PRKG1: variants seen among roughly 807,000 people sequenced by gnomAD.
PRKG1 encodes the protein cGMP-dependent protein kinase 1.
PRKG1 carries 35 observed loss-of-function variants against 88.1 expected under a neutral mutation model. The ratio of observed to expected loss-of-function variants is 0.40; its 90% CI spans 0.30 to 0.53. The LOEUF is 0.53. Ranked by LOEUF, PRKG1 falls within the 20% of genes least tolerant of loss-of-function variation. The pLI is 0.59. For synonymous variants in PRKG1, 303 were observed against 292.5 expected (o/e 1.04, Z -0.37); for missense variants, 540 against 839.8 (o/e 0.64, Z 4.41).
At position 51,848,344 on chromosome 10, in the gene PRKG1, C is replaced by G. The variant is rs572891795; in HGVS notation, c.698+43654C>G. Among the ~76,000 whole-genome samples, 102 of 152,208 alleles carry G rather than the reference C, an allele frequency of 6.7e-4. 1 individual carries two copies. The highest frequency in any genetic ancestry group is 2.4e-3 in the African/African-American group (99 of 41,548). On this transcript the variant is annotated intron_variant, in intron 4 of 17. Coordinates refer to ENST00000373980, the MANE Select transcript of PRKG1 (RefSeq NM_006258.4). ...ATAACTAGTGAAATAAAAACAAACT[C>G]CACCTCCAAACCTTAGTTTCAAAAG...
At chr10:51,860,525 G>A (rs1312800162) in intron 4 of PRKG1, among the ~76,000 whole-genome samples, 1 of 152,162 alleles carries the variant, frequency 6.6e-6, no homozygotes, top group Non-Finnish European at 1.5e-5. Context: ...GGGTGGGGGA[G>A]TACTGTGCTC....
At chr10:52,013,396 G>T (rs553575888) in intron 5 of PRKG1, among the ~76,000 whole-genome samples, 25 of 149,858 alleles carry the variant, frequency 1.7e-4, no homozygotes, top group Middle Eastern at 3.5e-3. Flanking sequence ...TCCAGCCTGG[G>T]TGACAGAGCG....
chr10:51,164,716 G>A (rs1589212486), intron 2 of PRKG1, among the ~76,000 whole-genome samples: 1 of 152,160 alleles, frequency 6.6e-6, no homozygotes, highest in Admixed American at 6.5e-5. Flanking sequence ...AGCTGATGGA[G>A]CTGAAAGCCA....
chr10:51,714,350 A>T (rs1841836190), intron 3 of PRKG1, among the ~76,000 whole-genome samples: 1 of 152,164 alleles, frequency 6.6e-6, no homozygotes, highest in Non-Finnish European at 1.5e-5. Flanking sequence ...GTAGAGAGGG[A>T]AAGAGTGTCT....
At position 51,215,464 on chromosome 10, in the gene PRKG1, G is replaced by A. The variant is rs536132914; in HGVS notation, c.478+62134G>A. Among the ~76,000 whole-genome samples the A allele has an allele frequency of 3.3e-5, 5 of 152,246 alleles. No individual in the cohort carries two copies. In the East Asian group the frequency reaches 9.6e-4, roughly 29 times the overall value. ...CTTAGGAGGAGTGAGAACAGGTGTT[G>A]AAATTTAAATGGTAAGAACCTTAAG... is the stretch of plus-strand genomic sequence containing the variant. On this transcript the variant is annotated intron_variant, in intron 2 of 17. Coordinates refer to ENST00000373980, the MANE Select transcript of PRKG1 (RefSeq NM_006258.4).
At chr10:52,278,117 G>GA (rs139686209) in intron 12 of PRKG1, among the ~76,000 whole-genome samples, 20,461 of 151,544 alleles carry the variant, frequency 0.14, 1,976 homozygotes, top group African/African-American at 0.25. Context: ...AAATTTACAA[G>GA]AAAAAAAACA....
chr10:51,185,995 A>G (rs1837475988), intron 2 of PRKG1, among the ~76,000 whole-genome samples: 3 of 151,918 alleles, frequency 2.0e-5, no homozygotes, highest in Non-Finnish European at 4.4e-5. Context: ...AAAAAATGTT[A>G]TAGAACATGA....
intron 3 of PRKG1, among the ~76,000 whole-genome samples, chr10:51,644,372 G>T (rs553930259): frequency 6.6e-6 from 1 of 152,008 alleles, no homozygotes; most frequent in Non-Finnish European, 1.5e-5. Context: ...TGCAGTTCAC[G>T]CTTAATGTCT....
chr10:51,533,155 A>T (rs558298848), intron 3 of PRKG1, among the ~76,000 whole-genome samples: 1 of 152,338 alleles, frequency 6.6e-6, no homozygotes, highest in East Asian at 1.9e-4. Context: ...ATTTCTTGCA[A>T]TGGAAAGTTA....
intron 2 of PRKG1, among the ~76,000 whole-genome samples, chr10:51,176,046 T>C (rs1837183170): frequency 6.6e-6 from 1 of 152,172 alleles, no homozygotes. Flanking sequence ...GGACAAGATA[T>C]TTTATTTGAA....
chr10:51,535,705 A>G (rs1010266324), intron 3 of PRKG1, among the ~76,000 whole-genome samples: 8 of 149,278 alleles, frequency 5.4e-5, no homozygotes, highest in Non-Finnish European at 8.9e-5. Context: ...GATTAAAAAG[A>G]AAGGGTTTTG....
chr10:51,811,176 G>A (rs1423129046), intron 4 of PRKG1, among the ~76,000 whole-genome samples: 1 of 152,090 alleles, frequency 6.6e-6, no homozygotes, highest in Non-Finnish European at 1.5e-5. Flanking sequence ...TCTGATGGCA[G>A]CTCCCTACTA....
chr10:51,137,329 CATAT>C (rs1159038266), intron 1 of PRKG1, among the ~76,000 whole-genome samples: 1 of 152,104 alleles, frequency 6.6e-6, no homozygotes, highest in Non-Finnish European at 1.5e-5. Context: ...ATTTTAATTA[CATAT>C]ATTTAAGCTA....
At chr10:51,945,263 G>A (rs991509705) in intron 5 of PRKG1, among the ~76,000 whole-genome samples, 3 of 150,090 alleles carry the variant, frequency 2.0e-5, no homozygotes, top group African/African-American at 4.9e-5. Context: ...TTTTATCAGA[G>A]ACTAGGATTG....
chr10:51,366,418 C>T (rs925466321), intron 2 of PRKG1, among the ~76,000 whole-genome samples: 3 of 151,932 alleles, frequency 2.0e-5, no homozygotes, highest in African/African-American at 7.2e-5. Context: ...AACAATGTTC[C>T]TGTCAAGACA....
At chr10:51,001,986 G>T (rs1428277187) in intron 1 of PRKG1, among the ~76,000 whole-genome samples, 2 of 151,914 alleles carry the variant, frequency 1.3e-5, no homozygotes, top group Admixed American at 1.3e-4. Context: ...AGTGGTTTTG[G>T]GGAATATATT....
intron 3 of PRKG1, among the ~76,000 whole-genome samples, chr10:51,545,726 T>C (rs1842429040): frequency 6.6e-6 from 1 of 152,164 alleles, no homozygotes; most frequent in African/African-American, 2.4e-5. Context: ...AATGAGTTTC[T>C]TTATAGCTAG....
At chr10:51,305,585 C>CT (rs1841015902) in intron 2 of PRKG1, among the ~76,000 whole-genome samples, 1 of 152,120 alleles carries the variant, frequency 6.6e-6, no homozygotes, top group African/African-American at 2.4e-5. Flanking sequence ...TTCAATTGGC[C>CT]TTTAGGGCAG....
intron 4 of PRKG1, among the ~76,000 whole-genome samples, chr10:51,891,954 G>T (rs926274436): frequency 2.0e-5 from 3 of 152,120 alleles, no homozygotes; most frequent in African/African-American, 7.2e-5. Flanking sequence ...GGAAATTAGA[G>T]AAATTATCAA....
Sources: gnomAD v4.1 joint callset for allele counts (sites outside exome capture counted in the v4.1 genomes callset) on GRCh38, gnomAD v4.1.1 for gene constraint, MANE v1.5 for transcripts, NCBI Gene and HGNC (gene_info 2026-07-23, HGNC 2026-07-21) for gene names.